SPAG16: variants seen among roughly 807,000 people sequenced by gnomAD.
SPAG16 encodes the protein sperm associated antigen 16.
SPAG16 carries 86 observed loss-of-function variants against 80.4 expected under a neutral mutation model. The observed-to-expected ratio is 1.07, with a 90% confidence interval of 0.90 to 1.28. SPAG16 has a LOEUF of 1.28. Among genes scored for constraint, SPAG16 ranks in the 50% most tolerant of loss-of-function variants. The pLI is 0.00. For missense variants in SPAG16, 870 were observed against 765.3 expected, an observed-to-expected ratio of 1.14 and a Z score of -1.61; for synonymous variants, 294 against 265.9, an observed-to-expected ratio of 1.11 and a Z score of -1.03.
chr2:213,909,945 G>T (rs78414564), intron 11 of SPAG16, among the ~76,000 whole-genome samples: 2 of 152,074 alleles, frequency 1.3e-5, no homozygotes, highest in Non-Finnish European at 2.9e-5. Flanking sequence ...TACATTAAAG[G>T]TATCTCAAAT....
intron 15 of SPAG16, chr2:214,240,884 T>C (rs1408227818): frequency 6.6e-6 from 1 of 152,160 alleles, no homozygotes; most frequent in Non-Finnish European, 1.5e-5. Context: ...ATACATATCT[T>C]GATGGACTAC....
At chr2:214,001,824 C>G (rs967771398) in intron 12 of SPAG16, among the ~76,000 whole-genome samples, 2 of 152,044 alleles carry the variant, frequency 1.3e-5, no homozygotes, top group African/African-American at 4.8e-5. Context: ...TACACACATT[C>G]TTATTTTACA....
At chr2:213,577,275 G>T (rs1157671252) in intron 10 of SPAG16, among the ~76,000 whole-genome samples, 3 of 152,044 alleles carry the variant, frequency 2.0e-5, no homozygotes, top group Non-Finnish European at 2.9e-5. Flanking sequence ...GGTCTAAATA[G>T]CTCTGCCTGA....
chr2:214,281,178 G>T (rs180843293), intron 15 of SPAG16: 10 of 329,492 alleles, frequency 3.0e-5, no homozygotes, highest in African/African-American at 2.2e-4. Flanking sequence ...ACGCTGCAGC[G>T]TAATTTGTCA....
chr2:214,059,062 T>C, intron 13 of SPAG16, among the ~76,000 whole-genome samples: 1 of 151,420 alleles, frequency 6.6e-6, no homozygotes, highest in African/African-American at 2.4e-5. Context: ...TTTCAAAATA[T>C]CTTGCTCGGG....
At chr2:213,492,698 T>TG (rs1051958626) in intron 10 of SPAG16, among the ~76,000 whole-genome samples, 10 of 151,870 alleles carry the variant, frequency 6.6e-5, no homozygotes, top group Admixed American at 1.3e-4. Flanking sequence ...TTTTTTTTTT[T>TG]TGTGCTTGGG....
At chr2:214,146,201 G>C (rs1243887833) in intron 14 of SPAG16, among the ~76,000 whole-genome samples, 1 of 152,120 alleles carries the variant, frequency 6.6e-6, no homozygotes, top group Non-Finnish European at 1.5e-5. Context: ...TTTTCCCTAG[G>C]TTGTCAACTA....
chr2:213,978,675 G>A (rs753730500), intron 12 of SPAG16, among the ~76,000 whole-genome samples: 13 of 152,134 alleles, frequency 8.5e-5, no homozygotes, highest in Non-Finnish European at 1.5e-4. Flanking sequence ...TCTTTGAGTA[G>A]CTGAGCTAGG....
intron 10 of SPAG16, among the ~76,000 whole-genome samples, chr2:213,801,793 A>G (rs2071424653): frequency 6.6e-6 from 1 of 152,220 alleles, no homozygotes; most frequent in Non-Finnish European, 1.5e-5. Context: ...AAGGGATGAA[A>G]GTATTCCAAG....
intron 13 of SPAG16, among the ~76,000 whole-genome samples, chr2:214,065,219 A>G (rs1381410500): frequency 6.6e-6 from 1 of 152,102 alleles, no homozygotes; most frequent in African/African-American, 2.4e-5. Flanking sequence ...GTTTTTAAGC[A>G]TTATGTCACT....
intron 15 of SPAG16, among the ~76,000 whole-genome samples, chr2:214,245,894 C>G (rs34455605): frequency 0.39 from 60,014 of 152,012 alleles, 14,611 homozygotes; most frequent in South Asian, 0.57. Flanking sequence ...GGGCCTAAAA[C>G]GTACGTTTTG....
At chr2:213,867,533 TA>T (rs1300799934) in intron 11 of SPAG16, among the ~76,000 whole-genome samples, 2 of 152,188 alleles carry the variant, frequency 1.3e-5, no homozygotes, top group Non-Finnish European at 2.9e-5. Context: ...AGTGTTATAA[TA>T]TCTGAAAAAC....
At chr2:213,601,660 A>C (rs903575219) in intron 10 of SPAG16, among the ~76,000 whole-genome samples, 2 of 152,230 alleles carry the variant, frequency 1.3e-5, no homozygotes, top group African/African-American at 4.8e-5. Flanking sequence ...AGCTGTACAA[A>C]TGTATATGAC....
At chr2:213,373,722 A>G (rs2066755752) in intron 8 of SPAG16, among the ~76,000 whole-genome samples, 1 of 152,136 alleles carries the variant, frequency 6.6e-6, no homozygotes, top group African/African-American at 2.4e-5. Flanking sequence ...TACTATATGC[A>G]TTCCCCTTCT....
At chr2:213,729,851 A>C (rs1834776) in intron 10 of SPAG16, among the ~76,000 whole-genome samples, 23 of 152,204 alleles carry the variant, frequency 1.5e-4, no homozygotes, top group Non-Finnish European at 2.8e-4. Flanking sequence ...TGGTGAGAAC[A>C]GACTAACATC....
At chr2:213,811,063 C>G (rs948750327) in intron 10 of SPAG16, among the ~76,000 whole-genome samples, 1 of 152,064 alleles carries the variant, frequency 6.6e-6, no homozygotes, top group Non-Finnish European at 1.5e-5. Context: ...TTCATATTGA[C>G]TTTTATTAAA....
intron 9 of SPAG16, among the ~76,000 whole-genome samples, chr2:213,449,478 G>A (rs1257491136): frequency 6.6e-6 from 1 of 152,128 alleles, no homozygotes; most frequent in East Asian, 1.9e-4. Context: ...AAAACTTGCT[G>A]GTCTGAGACT....
chr2:213,816,685 T>G (rs1403034798), intron 10 of SPAG16, among the ~76,000 whole-genome samples: 1 of 152,132 alleles, frequency 6.6e-6, no homozygotes, highest in Non-Finnish European at 1.5e-5. Context: ...CACATGTCTC[T>G]TATGCACATG....
intron 9 of SPAG16, among the ~76,000 whole-genome samples, chr2:213,431,920 T>C (rs1046988226): frequency 6.6e-6 from 1 of 151,936 alleles, no homozygotes; most frequent in Non-Finnish European, 1.5e-5. Context: ...TATAGTAAAA[T>C]GAAACTAGAA....
Sources: gnomAD v4.1 joint callset for allele counts (sites outside exome capture counted in the v4.1 genomes callset) on GRCh38, gnomAD v4.1.1 for gene constraint, MANE v1.5 for transcripts, NCBI Gene and HGNC (gene_info 2026-07-23, HGNC 2026-07-21) for gene names.